GBE1: variants seen among roughly 807,000 people sequenced by gnomAD.
The protein encoded by GBE1 is 1,4-alpha-glucan-branching enzyme.
In GBE1, 70 loss-of-function variants were observed where a neutral mutation model predicts 88.8. The ratio of observed to expected loss-of-function variants is 0.79; its 90% CI spans 0.65 to 0.96. GBE1 has a LOEUF of 0.96. Ranked by LOEUF, GBE1 falls within the 40% of genes least tolerant of loss-of-function variation. The pLI, the probability that GBE1 is intolerant of heterozygous loss-of-function variation, is 0.00. For missense variants in GBE1, 872 were observed against 871.0 expected, an observed-to-expected ratio of 1.00 and a Z score of -0.01; for synonymous variants, 284 against 300.1, an observed-to-expected ratio of 0.95 and a Z score of 0.56.
At chr3:81,559,417 C>T (rs1703390581) in intron 12 of GBE1, among the ~76,000 whole-genome samples, 1 of 151,836 alleles carries the variant, frequency 6.6e-6, no homozygotes, top group Non-Finnish European at 1.5e-5. Flanking sequence ...TATGTATCCT[C>T]CCTACCTACT....
intron 7 of GBE1, among the ~76,000 whole-genome samples, chr3:81,634,249 AT>A (rs1327748644): frequency 1.3e-5 from 2 of 152,214 alleles, no homozygotes; most frequent in Non-Finnish European, 2.9e-5. Flanking sequence ...TTTCAATCGT[AT>A]TATTTTATGC....
At chr3:81,631,039 C>CA (rs1213722074) in intron 7 of GBE1, among the ~76,000 whole-genome samples, 2 of 151,598 alleles carry the variant, frequency 1.3e-5, no homozygotes, top group Non-Finnish European at 2.9e-5. Context: ...CCCATCTCTA[C>CA]AAAAAATAAA....
chr3:81,555,593 C>T (rs1482107055), intron 12 of GBE1, among the ~76,000 whole-genome samples: 1 of 152,168 alleles, frequency 6.6e-6, no homozygotes, highest in Non-Finnish European at 1.5e-5. Context: ...AGTTTCTTTG[C>T]TATCTTTTGT....
chr3:81,521,010 G>A (rs757195802), intron 14 of GBE1, among the ~76,000 whole-genome samples: 1 of 151,428 alleles, frequency 6.6e-6, no homozygotes, highest in Non-Finnish European at 1.5e-5. Context: ...ATTTTGAAGA[G>A]ATAGTTAAAA....
intron 7 of GBE1, among the ~76,000 whole-genome samples, chr3:81,615,424 C>A (rs1486229971): frequency 2.6e-5 from 4 of 152,160 alleles, no homozygotes; most frequent in Admixed American, 2.0e-4. Context: ...TAGTTGCATC[C>A]AGAGCACTCC....
At chr3:81,616,853 TTC>T (rs963200264) in intron 7 of GBE1, among the ~76,000 whole-genome samples, 2 of 152,068 alleles carry the variant, frequency 1.3e-5, no homozygotes, top group African/African-American at 2.4e-5. Context: ...TATTTAAATT[TTC>T]TTTTTTCATC....
Position 81,560,628 on chromosome 3 carries a change from C to T in GBE1, c.1618+17297G>A, listed in dbSNP as rs1002257874. Reference sequence around the variant, plus strand: ...CTTCACCTCCACATGGTCATCTCTGCGTATTTCAAAATGGTATCTCTGAAT... The same window carrying T: ...CTTCACCTCCACATGGTCATCTCTGTGTATTTCAAAATGGTATCTCTGAAT... On this transcript the variant is annotated intron_variant, in intron 12 of 15. Transcript: ENST00000429644. 2.0e-5 allele frequency among the ~76,000 whole-genome samples: 3 copies of T among 151,846 alleles called. No individual in the cohort carries two copies. In the South Asian group the frequency reaches 6.2e-4, roughly 32 times the overall value.
intron 2 of GBE1, among the ~76,000 whole-genome samples, chr3:81,693,914 T>C (rs567657135): frequency 6.6e-6 from 1 of 152,200 alleles, no homozygotes; most frequent in African/African-American, 2.4e-5. Flanking sequence ...GAATAAAACT[T>C]TGATATTACT....
intron 11 of GBE1, 84 bp downstream of exon 11, chr3:81,581,075 ATATGTT>A: frequency 1.4e-6 from 1 of 736,322 alleles, no homozygotes; most frequent in Non-Finnish European, 2.3e-6. Context: ...TTATATTTCG[ATATGTT>A]TATATTTAAA....
At chr3:81,566,066 T>C (rs938961801) in intron 12 of GBE1, among the ~76,000 whole-genome samples, 7 of 152,208 alleles carry the variant, frequency 4.6e-5, no homozygotes, top group African/African-American at 1.7e-4. Flanking sequence ...AAGTTCAGCC[T>C]CCTGGCCAGG....
Position 81,644,156 on chromosome 3 carries a change from T to C in GBE1, c.783-1166A>G, listed in dbSNP as rs150154945. Among the ~76,000 whole-genome samples the C allele has an allele frequency of 3.9e-5, 6 of 152,220 alleles. No individual in the cohort carries two copies. The East Asian group carries it at 5.8e-4, about 15-fold the overall frequency. On this transcript the variant is annotated intron_variant, in intron 6 of 15. Transcript: ENST00000429644. ...CATGACATTTTCTATGTTCTGGAGA[T>C]ACACCAGCGAAAAAAATAAACACCA...
chr3:81,643,606 T>G (rs1040868191), intron 6 of GBE1, among the ~76,000 whole-genome samples: 1 of 152,180 alleles, frequency 6.6e-6, no homozygotes, highest in African/African-American at 2.4e-5. Flanking sequence ...TTTCTTAACC[T>G]GTGTAAAATT....
At chr3:81,638,454 A>T (rs1704623105) in intron 7 of GBE1, among the ~76,000 whole-genome samples, 1 of 152,156 alleles carries the variant, frequency 6.6e-6, no homozygotes, top group Admixed American at 6.6e-5. Flanking sequence ...ACAAGTTTTC[A>T]TTGTCTTAAA....
chr3:81,522,233 G>A (rs1026190859), intron 14 of GBE1, among the ~76,000 whole-genome samples: 1 of 151,590 alleles, frequency 6.6e-6, no homozygotes, highest in East Asian at 1.9e-4. Context: ...TAGAACAGGT[G>A]TTAGCCTCAG....
chr3:81,725,638 G>A (rs1706101001), intron 1 of GBE1, among the ~76,000 whole-genome samples: 1 of 152,120 alleles, frequency 6.6e-6, no homozygotes, highest in Non-Finnish European at 1.5e-5. Context: ...GTATATAATT[G>A]TATATGCTCT....
intron 2 of GBE1, among the ~76,000 whole-genome samples, chr3:81,704,873 C>T (rs562270811): frequency 1.3e-5 from 2 of 152,172 alleles, no homozygotes; most frequent in African/African-American, 2.4e-5. Flanking sequence ...CTTTCCATAG[C>T]GTTAACTCTG....
intron 7 of GBE1, among the ~76,000 whole-genome samples, chr3:81,631,611 G>T (rs1576177789): frequency 6.6e-6 from 1 of 151,474 alleles, no homozygotes; most frequent in African/African-American, 2.4e-5. Flanking sequence ...GCCAGGTGTG[G>T]TGGTGTGCAC....
At chr3:81,605,551 T>G (rs1704091911) in intron 7 of GBE1, among the ~76,000 whole-genome samples, 1 of 152,186 alleles carries the variant, frequency 6.6e-6, no homozygotes. Context: ...AATGAATGTG[T>G]AAAAATTCTA....
At chr3:81,736,785 G>T (rs1706261432) in intron 1 of GBE1, among the ~76,000 whole-genome samples, 1 of 152,074 alleles carries the variant, frequency 6.6e-6, no homozygotes, top group Non-Finnish European at 1.5e-5. Context: ...CCCCAACTAA[G>T]CTATTAAACC....
Sources: gnomAD v4.1 joint callset for allele counts (sites outside exome capture counted in the v4.1 genomes callset) on GRCh38, gnomAD v4.1.1 for gene constraint, MANE v1.5 for transcripts, NCBI Gene and HGNC (gene_info 2026-07-23, HGNC 2026-07-21) for gene names.